The following LARP1B variants were observed in gnomAD, a reference collection of about 807,000 sequenced individuals.
The protein encoded by LARP1B is la-related protein 1B.
Under a neutral mutation model 114.2 loss-of-function variants are expected in LARP1B, and 76 were observed. The observed-to-expected ratio is 0.67, with a 90% CI of 0.55 to 0.81. LARP1B has a LOEUF of 0.81. LARP1B is among the 30% of genes least tolerant of loss of function. The pLI is 0.00. For missense variants in LARP1B, 1,014 were observed against 1,075.8 expected, an observed-to-expected ratio of 0.94 and a Z score of 0.80; for synonymous variants, 345 against 348.0, an observed-to-expected ratio of 0.99 and a Z score of 0.10.
At chr4:128,194,566 C>T (rs1007345084) in intron 15 of LARP1B, among the ~76,000 whole-genome samples, 23 of 151,324 alleles carry the variant, frequency 1.5e-4, no homozygotes, top group Non-Finnish European at 2.9e-4. Context: ...GCCTGTAGTC[C>T]CAGCTACTCG....
chr4:128,208,413 C>G (rs1257892550), intron 19 of LARP1B, among the ~76,000 whole-genome samples: 1 of 151,718 alleles, frequency 6.6e-6, no homozygotes, highest in Non-Finnish European at 1.5e-5. Context: ...ATCATCTCTG[C>G]TTTGTGTTGT....
intron 7 of LARP1B, among the ~76,000 whole-genome samples, chr4:128,220,663 T>A (rs79484204): frequency 0.022 from 3,290 of 152,292 alleles, 72 homozygotes; most frequent in East Asian, 0.1. Flanking sequence ...TGGAAATACT[T>A]TTGCTTTGGT....
intron 1 of LARP1B, among the ~76,000 whole-genome samples, chr4:128,065,253 A>ATTTATTTCTTTC (rs869130974): frequency 2.0e-4 from 18 of 89,612 alleles, no homozygotes; most frequent in South Asian, 4.3e-4. Context: ...CCCACAATTA[A>ATTTATTTCTTTC]TTTCTTTCTT....
intron 5 of LARP1B, among the ~76,000 whole-genome samples, chr4:128,089,556 G>A (rs549462729): frequency 4.6e-5 from 7 of 151,924 alleles, no homozygotes; most frequent in African/African-American, 1.2e-4. Flanking sequence ...GGCTGGTCTC[G>A]AACTCCTGAC....
At chr4:128,087,844 G>A (rs534765037) in intron 5 of LARP1B, among the ~76,000 whole-genome samples, 1 of 151,660 alleles carries the variant, frequency 6.6e-6, no homozygotes, top group African/African-American at 2.4e-5. Context: ...ATACATGTGT[G>A]GGGGGGAGCA....
downstream of LARP1B, among the ~76,000 whole-genome samples, chr4:128,214,178 A>G (rs28687092): frequency 4.4e-3 from 596 of 136,266 alleles, 7 homozygotes; most frequent in African/African-American, 0.015. Flanking sequence ...GCTGATTGCT[A>G]GCACAGCAGT....
chr4:128,221,201 G>A lies in LARP1B; in HGVS notation n.934+761G>A, dbSNP rs181640771. ...TCTTTTGGGAGGAAATTTTGATTAG[G>A]AAACAAATATCATCCATGTGTTTAA... On this transcript the variant is annotated intron_variant and non_coding_transcript_variant, in intron 7 of 7. Coordinates refer to the LARP1B transcript ENST00000503725. 3.3e-3 allele frequency among the ~76,000 whole-genome samples: 500 copies of A among 152,198 alleles called. 3 individuals carry two copies. The highest frequency in any genetic ancestry group is 0.02 in the Middle Eastern group (6 of 294).
intron 2 of LARP1B, 118 bp from the exon 3 acceptor site, chr4:128,074,816 G>A: frequency 3.0e-6 from 2 of 660,414 alleles, no homozygotes; most frequent in Non-Finnish European, 5.2e-6. Context: ...GCAGATGCCT[G>A]CATATAACTG....
intron 9 of LARP1B, chr4:128,108,869 A>T: frequency 1.0e-6 from 1 of 970,796 alleles, no homozygotes; most frequent in Non-Finnish European, 1.2e-6. Flanking sequence ...TTAACCATTT[A>T]TGCATACTAA....
At chr4:128,196,925 T>C (rs1754358380) in intron 15 of LARP1B, among the ~76,000 whole-genome samples, 1 of 152,160 alleles carries the variant, frequency 6.6e-6, no homozygotes, top group Non-Finnish European at 1.5e-5. Context: ...ACATTATGCT[T>C]AATGAAACAA....
At chr4:128,191,102 A>T (rs1752129093) in intron 15 of LARP1B, among the ~76,000 whole-genome samples, 1 of 131,820 alleles carries the variant, frequency 7.6e-6, no homozygotes, top group African/African-American at 2.6e-5. Context: ...CGTATTTCTG[A>T]GTTCCAGGAT....
At chr4:128,084,938 A>T (rs1300948082) in intron 5 of LARP1B, among the ~76,000 whole-genome samples, 8 of 151,436 alleles carry the variant, frequency 5.3e-5, no homozygotes. Flanking sequence ...ATCTGGGCTC[A>T]CTGCAACCTC....
At chr4:128,130,037 A>G (rs528212774) in intron 11 of LARP1B, among the ~76,000 whole-genome samples, 20 of 152,320 alleles carry the variant, frequency 1.3e-4, no homozygotes, top group African/African-American at 4.1e-4. Context: ...ACTTCTGCCC[A>G]GTGAAAGATA....
At position 128,072,394 on chromosome 4, in the gene LARP1B, A is replaced by G. The variant is rs367834127; in HGVS notation, c.-77-2066A>G. Among the ~76,000 whole-genome samples, 29 of 152,122 alleles carry G rather than the reference A, an allele frequency of 1.9e-4. No homozygotes were observed. In the East Asian group the frequency reaches 3.9e-3, roughly 20 times the overall value. ...TACTAATGATGTTTGAAAAATGGAGATATGTTTTAAATTTTTAAATTTAAA... is the reference window on the plus strand; with the variant it reads ...TACTAATGATGTTTGAAAAATGGAGGTATGTTTTAAATTTTTAAATTTAAA... On this transcript the variant is annotated intron_variant, in intron 1 of 19. Transcript: ENST00000326639.
intron 10 of LARP1B, 105 bp downstream of exon 10, chr4:128,114,847 G>A: frequency 1.0e-6 from 1 of 998,304 alleles, no homozygotes; most frequent in South Asian, 1.8e-5. Flanking sequence ...GAAAAGTTTA[G>A]CACAATTTTA....
intron 12 of LARP1B, among the ~76,000 whole-genome samples, chr4:128,175,364 C>T (rs1158230088): frequency 1.3e-5 from 2 of 152,088 alleles, no homozygotes; most frequent in Admixed American, 1.3e-4. Context: ...TGTTGTCAGC[C>T]TGATGCTTTC....
intron 8 of LARP1B, among the ~76,000 whole-genome samples, chr4:128,099,257 A>G (rs1779400398): frequency 6.7e-6 from 1 of 149,906 alleles, no homozygotes; most frequent in Non-Finnish European, 1.5e-5. Context: ...CTTGGTAACC[A>G]CAATCACTAA....
intron 10 of LARP1B, among the ~76,000 whole-genome samples, chr4:128,116,769 A>C (rs1158539613): frequency 6.6e-6 from 1 of 152,174 alleles, no homozygotes; most frequent in Non-Finnish European, 1.5e-5. Context: ...TTTTAAAAAC[A>C]TTCTAGAGTG....
At position 128,187,024 on chromosome 4, in the gene LARP1B, G is replaced by A. The variant is rs562840406; in HGVS notation, c.2003+7512G>A. Among the ~76,000 whole-genome samples, 8 of 152,332 alleles carry A rather than the reference G, an allele frequency of 5.3e-5. No individual in the cohort carries two copies. The South Asian group carries it at 1.7e-3, about 32-fold the overall frequency. On this transcript the variant is annotated intron_variant, in intron 15 of 19. Coordinates refer to ENST00000326639, the MANE Select transcript of LARP1B (RefSeq NM_018078.4). The stretch of plus-strand genomic sequence containing the variant: ...TGGGAGCCTCTGCCTATATTTCAGA[G>A]GATGTATGGAAAATCCTGGATGTCT...
Sources: allele counts gnomAD v4.1 joint callset (sites outside exome capture counted in the v4.1 genomes callset), GRCh38; gene constraint gnomAD v4.1.1; transcripts MANE v1.5; gene names NCBI Gene and HGNC (gene_info 2026-07-23, HGNC 2026-07-21).